The following PM20D2 variants were observed in gnomAD, a reference collection of about 807,000 sequenced individuals.
PM20D2 encodes peptidase M20 domain containing 2.
PM20D2 carries 33 observed loss-of-function variants against 42.9 expected under a neutral mutation model. That is an observed-to-expected ratio of 0.77 (90% CI 0.58 to 1.03). The LOEUF (loss-of-function observed/expected upper bound fraction) is 1.03. Ranked by LOEUF, PM20D2 falls within the 50% of genes least tolerant of loss-of-function variation. The pLI, the probability that PM20D2 is intolerant of heterozygous loss-of-function variation, is 0.00. For missense variants in PM20D2, 548 were observed against 557.0 expected, an observed-to-expected ratio of 0.98 and a Z score of 0.16; for synonymous variants, 250 against 228.2, an observed-to-expected ratio of 1.10 and a Z score of -0.86.
intron 3 of PM20D2, among the ~76,000 whole-genome samples, chr6:89,153,556 G>A (rs184493621): frequency 1.3e-5 from 2 of 152,118 alleles, no homozygotes; most frequent in Admixed American, 1.3e-4. Context: ...TATAATAACT[G>A]CTAGTTTTAT....
At chr6:89,144,268 T>C (rs1770442125), upstream of PM20D2, among the ~76,000 whole-genome samples, 1 of 143,272 alleles carries the variant, frequency 7.0e-6, no homozygotes, top group Non-Finnish European at 1.5e-5. Flanking sequence ...GCAATATAAA[T>C]AGCAGCTTCT....
At chr6:89,156,965 T>C (rs1771069772) in intron 4 of PM20D2, among the ~76,000 whole-genome samples, 1 of 152,224 alleles carries the variant, frequency 6.6e-6, no homozygotes, top group African/African-American at 2.4e-5. Context: ...TTTATAATTA[T>C]AAATATTTAT....
chr6:89,107,241 C>A, the PM20D2 span: 18 of 1,613,754 alleles, frequency 1.1e-5, no homozygotes, highest in Admixed American at 2.8e-4. Context: ...ACCAAACTCA[C>A]GGCGCAAGTC....
the PM20D2 span, chr6:89,105,509 A>G: frequency 2.9e-5 from 47 of 1,606,988 alleles, no homozygotes; most frequent in African/African-American, 4.7e-4. Context: ...GAGCATCTTC[A>G]GCATCTCGAA....
chr6:89,099,448 ATATG>A, the PM20D2 span, among the ~76,000 whole-genome samples: 2 of 144,378 alleles, frequency 1.4e-5, no homozygotes, highest in African/African-American at 2.6e-5. Context: ...ATACACATAT[ATATG>A]TGTGTATATA....
At chr6:89,156,083 A>C (rs1771040639) in intron 4 of PM20D2, among the ~76,000 whole-genome samples, 2 of 151,946 alleles carry the variant, frequency 1.3e-5, no homozygotes, top group African/African-American at 4.8e-5. Flanking sequence ...ACGAGGTTTC[A>C]TCATGTTGGC....
chr6:89,095,560 A>G, the PM20D2 span, among the ~76,000 whole-genome samples: 5 of 152,376 alleles, frequency 3.3e-5, no homozygotes. Context: ...TGCCTCTGGC[A>G]ATGGGATCAA....
At chr6:89,097,408 G>A in the PM20D2 span, 1 of 152,008 alleles carries the variant, frequency 6.6e-6, no homozygotes, top group South Asian at 2.1e-4. Flanking sequence ...AACTACAAAA[G>A]CAATAAATAT....
chr6:89,098,576 G>C, the PM20D2 span: 1,499 of 1,606,096 alleles, frequency 9.3e-4, 10 homozygotes, highest in African/African-American at 0.018. Context: ...TTCTGTTGCT[G>C]TTCACCAACT....
At chr6:89,140,723 C>G in the PM20D2 span, among the ~76,000 whole-genome samples, 29 of 152,162 alleles carry the variant, frequency 1.9e-4, no homozygotes, top group Non-Finnish European at 2.6e-4. Context: ...CCTCCCTGTC[C>G]TCATTTCCAG....
At position 89,153,534 on chromosome 6, in the gene PM20D2, A is replaced by G. The variant is rs144506588; in HGVS notation, c.757+349A>G. 1.3e-3 allele frequency among the ~76,000 whole-genome samples: 197 copies of G among 152,288 alleles called. 3 individuals are homozygous for G. The highest frequency in any genetic ancestry group is 4.7e-3 in the African/African-American group (195 of 41,552). ...TCTTAATGATAACCAAATTTTGTCA[A>G]TTAAAAAAAGGTATAATAACTGCTA... On this transcript the variant is annotated intron_variant, in intron 3 of 6. Transcript: ENST00000275072.
the PM20D2 span, among the ~76,000 whole-genome samples, chr6:89,111,111 T>G: frequency 1.4e-5 from 2 of 143,140 alleles, no homozygotes; most frequent in African/African-American, 2.5e-5. Context: ...AGACTTGTCT[T>G]TTTTTTTTTT....
At chr6:89,113,164 C>CA in the PM20D2 span, among the ~76,000 whole-genome samples, 1 of 152,018 alleles carries the variant, frequency 6.6e-6, no homozygotes, top group Non-Finnish European at 1.5e-5. Context: ...TTTTATTTAA[C>CA]ATTTTATCCC....
chr6:89,161,681 C>A, intron 5 of PM20D2, 102 bp from the exon 6 acceptor site: 6 of 871,190 alleles, frequency 6.9e-6, no homozygotes, highest in South Asian at 1.6e-5. Context: ...CCAAGAAGCT[C>A]ACTTCTCTGC....
intron 5 of PM20D2, among the ~76,000 whole-genome samples, chr6:89,160,636 A>T (rs1013756725): frequency 2.0e-5 from 3 of 152,224 alleles, no homozygotes; most frequent in Non-Finnish European, 4.4e-5. Flanking sequence ...CATTTCAAAT[A>T]CTATTTCTTG....
chr6:89,111,338 G>A, the PM20D2 span, among the ~76,000 whole-genome samples: 8 of 152,164 alleles, frequency 5.3e-5, no homozygotes, highest in African/African-American at 1.9e-4. Flanking sequence ...TTGAAAATAT[G>A]TTGTAGTTTT....
At chr6:89,106,456 A>G in the PM20D2 span, among the ~76,000 whole-genome samples, 2 of 152,244 alleles carry the variant, frequency 1.3e-5, no homozygotes, top group African/African-American at 4.8e-5. Context: ...TATAAAAGAA[A>G]CATAAAAGCA....
chr6:89,100,429 C>T, the PM20D2 span, among the ~76,000 whole-genome samples: 8 of 151,962 alleles, frequency 5.3e-5, no homozygotes, highest in Non-Finnish European at 1.2e-4. Flanking sequence ...AGTGATCTGC[C>T]AGTACTCTGT....
chr6:89,094,147 C>T, the PM20D2 span, among the ~76,000 whole-genome samples: 5 of 151,948 alleles, frequency 3.3e-5, no homozygotes, highest in African/African-American at 9.7e-5. Flanking sequence ...TCTCGAACTC[C>T]TGACCTCAAG....
Sources: gnomAD v4.1 joint callset for allele counts (sites outside exome capture counted in the v4.1 genomes callset) on GRCh38, gnomAD v4.1.1 for gene constraint, MANE v1.5 for transcripts, NCBI Gene and HGNC (gene_info 2026-07-23, HGNC 2026-07-21) for gene names.